CDH18: variants seen among roughly 807,000 people sequenced by gnomAD.
CDH18 encodes the protein cadherin 18.
CDH18 carries 31 observed loss-of-function variants against 67.9 expected under a neutral mutation model. That is an observed-to-expected ratio of 0.46 (90% CI 0.34 to 0.62). The LOEUF (loss-of-function observed/expected upper bound fraction) is 0.62. Ranked by LOEUF, CDH18 falls within the 20% of genes least tolerant of loss-of-function variation. CDH18 has a pLI of 0.01. For synonymous variants in CDH18, 362 were observed against 347.2 expected (o/e 1.04, Z -0.48); for missense variants, 890 against 975.5 (o/e 0.91, Z 1.17).
At chr5:20,503,250 TTAC>T (rs1754450570) in intron 1 of CDH18, among the ~76,000 whole-genome samples, 1 of 151,870 alleles carries the variant, frequency 6.6e-6, no homozygotes, top group Non-Finnish European at 1.5e-5. Flanking sequence ...CTTTTTTTTT[TTAC>T]ATTTTCCCAG....
At chr5:20,207,339 A>T (rs541503322) in intron 2 of CDH18, among the ~76,000 whole-genome samples, 1 of 152,186 alleles carries the variant, frequency 6.6e-6, no homozygotes, top group African/African-American at 2.4e-5. Flanking sequence ...TGAAAAGAAC[A>T]TTAAAAAAAG....
intron 5 of CDH18, among the ~76,000 whole-genome samples, chr5:19,720,538 C>T (rs1269257380): frequency 6.6e-6 from 1 of 152,066 alleles, no homozygotes; most frequent in Non-Finnish European, 1.5e-5. Context: ...AATTGATTGT[C>T]AATGGGGACA....
At chr5:20,146,656 G>A (rs1750672998) in intron 2 of CDH18, among the ~76,000 whole-genome samples, 1 of 151,152 alleles carries the variant, frequency 6.6e-6, no homozygotes, top group South Asian at 2.1e-4. Context: ...AAATGGCTGT[G>A]CCCTAAATGT....
intron 5 of CDH18, among the ~76,000 whole-genome samples, chr5:19,711,750 A>T (rs947977635): frequency 3.3e-5 from 5 of 152,054 alleles, no homozygotes; most frequent in African/African-American, 1.2e-4. Flanking sequence ...CCTCTGAGAA[A>T]CAGCATGGAG....
intron 3 of CDH18, among the ~76,000 whole-genome samples, chr5:19,808,406 G>C (rs1284999955): frequency 6.6e-6 from 1 of 151,816 alleles, no homozygotes; most frequent in Non-Finnish European, 1.5e-5. Flanking sequence ...GTGAGGTCCA[G>C]TGCAATTAAA....
At chr5:20,304,808 C>T (rs1736277777) in intron 1 of CDH18, 1 of 1,611,086 alleles carries the variant, frequency 6.2e-7, no homozygotes, top group South Asian at 1.1e-5. Flanking sequence ...TCAGCCGCAG[C>T]TTTGTTAGAT....
intron 1 of CDH18, among the ~76,000 whole-genome samples, chr5:20,527,056 G>A (rs1378171882): frequency 6.6e-6 from 1 of 152,054 alleles, no homozygotes; most frequent in East Asian, 1.9e-4. Flanking sequence ...CCAGTTTAGA[G>A]AGGAACATAA....
intron 2 of CDH18, among the ~76,000 whole-genome samples, chr5:20,010,353 GCATGCAC>G (rs998320194): frequency 6.6e-5 from 10 of 151,914 alleles, no homozygotes; most frequent in Admixed American, 2.6e-4. Context: ...GGGATTATAG[GCATGCAC>G]CACCACGCCC....
At chr5:20,149,201 G>A (rs1750907234) in intron 2 of CDH18, among the ~76,000 whole-genome samples, 1 of 151,972 alleles carries the variant, frequency 6.6e-6, no homozygotes, top group Admixed American at 6.6e-5. Flanking sequence ...TTAAATACTT[G>A]TGGCTCAAAA....
Position 20,561,712 on chromosome 5 carries a change from C to T in CDH18, c.-580+13750G>A, listed in dbSNP as rs560644043. ...TATTTGTCAAAGCACATAGCATGTA[C>T]AGCACTAAGAGTAAATCCTAAGAAA... On this transcript the variant is annotated intron_variant, in intron 1 of 14. Coordinates refer to the CDH18 transcript ENST00000507958. 5.3e-5 allele frequency among the ~76,000 whole-genome samples: 8 copies of T among 151,810 alleles called. No individual in the cohort carries two copies. The East Asian group carries it at 5.8e-4, about 11-fold the overall frequency.
intron 2 of CDH18, among the ~76,000 whole-genome samples, chr5:20,083,168 C>T (rs942388464): frequency 6.6e-6 from 1 of 152,068 alleles, no homozygotes; most frequent in Non-Finnish European, 1.5e-5. Context: ...GATAAATGGG[C>T]ACTTAGAGAT....
chr5:19,662,114 A>AT (rs377723169), intron 5 of CDH18, among the ~76,000 whole-genome samples: 352 of 144,330 alleles, frequency 2.4e-3, no homozygotes, highest in African/African-American at 8.2e-3. Flanking sequence ...TTTTTCACTG[A>AT]TTTTTTTTTT....
intron 2 of CDH18, among the ~76,000 whole-genome samples, chr5:20,075,597 C>CA (rs1389867211): frequency 6.6e-6 from 1 of 152,030 alleles, no homozygotes; most frequent in African/African-American, 2.4e-5. Flanking sequence ...CATTTTACGT[C>CA]AAAAAAGAAA....
intron 1 of CDH18, among the ~76,000 whole-genome samples, chr5:20,465,568 A>C (rs1270286993): frequency 6.6e-6 from 1 of 152,070 alleles, no homozygotes; most frequent in Non-Finnish European, 1.5e-5. Context: ...ATACATATGG[A>C]GTAATAAATT....
At chr5:20,330,738 T>C (rs1739092317) in intron 1 of CDH18, among the ~76,000 whole-genome samples, 1 of 152,144 alleles carries the variant, frequency 6.6e-6, no homozygotes, top group African/African-American at 2.4e-5. Context: ...CGAGAAGGGA[T>C]GCAAGACCCC....
chr5:19,966,850 G>C (rs1358636790), intron 2 of CDH18, among the ~76,000 whole-genome samples: 1 of 151,820 alleles, frequency 6.6e-6, no homozygotes, highest in Non-Finnish European at 1.5e-5. Flanking sequence ...TACTTTGAGA[G>C]TTTATTTTAA....
At chr5:20,438,834 TTAA>T (rs1336513267) in intron 1 of CDH18, among the ~76,000 whole-genome samples, 1 of 151,544 alleles carries the variant, frequency 6.6e-6, no homozygotes, top group East Asian at 1.9e-4. Flanking sequence ...CTTCTTTCCT[TTAA>T]TTATAATTTA....
At chr5:20,344,844 AAAGAT>A (rs1278659574) in intron 1 of CDH18, among the ~76,000 whole-genome samples, 1 of 152,124 alleles carries the variant, frequency 6.6e-6, no homozygotes, top group Non-Finnish European at 1.5e-5. Context: ...AAAAATTATA[AAAGAT>A]AAGTAACATA....
At chr5:19,874,793 T>TA (rs1786749075) in intron 2 of CDH18, among the ~76,000 whole-genome samples, 1 of 152,246 alleles carries the variant, frequency 6.6e-6, no homozygotes, top group Non-Finnish European at 1.5e-5. Flanking sequence ...GTAAAGGACA[T>TA]AACAATAGTA....
Sources: gnomAD v4.1 joint callset for allele counts (sites outside exome capture counted in the v4.1 genomes callset) on GRCh38, gnomAD v4.1.1 for gene constraint, MANE v1.5 for transcripts, NCBI Gene and HGNC (gene_info 2026-07-23, HGNC 2026-07-21) for gene names.